Variants in PLGRKT observed in about 807,000 individuals in gnomAD.
PLGRKT encodes the protein plasminogen receptor (KT).
A neutral mutation model predicts 18.5 loss-of-function variants in PLGRKT; 22 were observed. The observed-to-expected ratio is 1.19, with a 90% CI of 0.85 to 1.70. The LOEUF (loss-of-function observed/expected upper bound fraction) is 1.70. Ranked by LOEUF, PLGRKT falls within the 40% of genes most tolerant of loss-of-function variation. The probability of loss-of-function intolerance (pLI) is 0.00; values close to 1 mark genes in which losing one functional copy is unlikely to be tolerated. For missense variants in PLGRKT, 235 were observed against 174.4 expected (o/e 1.35, Z -1.96); for synonymous variants, 72 against 52.8 (o/e 1.36, Z -1.58).
At chr9:5,359,242 G>C (rs1195157140) in intron 5 of PLGRKT, among the ~76,000 whole-genome samples, 1 of 151,902 alleles carries the variant, frequency 6.6e-6, no homozygotes, top group Non-Finnish European at 1.5e-5. Flanking sequence ...ATTTTTCATA[G>C]AGACAGGATT....
chr9:5,423,264 G>A (rs1456632583), intron 3 of PLGRKT, among the ~76,000 whole-genome samples: 3 of 152,142 alleles, frequency 2.0e-5, no homozygotes, highest in Non-Finnish European at 4.4e-5. Flanking sequence ...AGTATCTCTA[G>A]CTCCTAATTC....
At position 5,394,351 on chromosome 9, in the gene PLGRKT, C is replaced by T. The variant is rs1404629947; in HGVS notation, c.82-32463G>A. On this transcript the variant is annotated intron_variant, in intron 3 of 5. Transcript: ENST00000223864. The stretch of plus-strand genomic sequence containing the variant: ...GGCTCAGGTGCAGGGAAATGAAGAA[C>T]GAGGGAGAAAACATGAACTGAATGG... Among the ~76,000 whole-genome samples the T allele has an allele frequency of 5.9e-5, 9 of 151,672 alleles. No individual in the cohort carries two copies. In the South Asian group the frequency reaches 1.5e-3, roughly 25 times the overall value.
chr9:5,367,020 TACACACACATACACACACACACACAC>T (rs1817404599), intron 3 of PLGRKT, among the ~76,000 whole-genome samples: 1 of 58,158 alleles, frequency 1.7e-5, no homozygotes, highest in Admixed American at 2.1e-4. Flanking sequence ...GACAGACAGA[TACACACACATACACACACACACACAC>T]ACACACACAC....
intron 3 of PLGRKT, among the ~76,000 whole-genome samples, chr9:5,364,934 A>G (rs1233842546): frequency 6.6e-6 from 1 of 152,214 alleles, no homozygotes; most frequent in Non-Finnish European, 1.5e-5. Flanking sequence ...ATACAGACAT[A>G]GACAAGGATG....
At chr9:5,365,581 G>C (rs1817367987) in intron 3 of PLGRKT, among the ~76,000 whole-genome samples, 1 of 152,164 alleles carries the variant, frequency 6.6e-6, no homozygotes, top group Non-Finnish European at 1.5e-5. Flanking sequence ...AAGCTAAAGA[G>C]ACAAGAAGAC....
intron 3 of PLGRKT, among the ~76,000 whole-genome samples, chr9:5,413,563 G>C (rs896979698): frequency 1.3e-5 from 2 of 152,164 alleles, no homozygotes; most frequent in Admixed American, 1.3e-4. Context: ...TAAATGTGGA[G>C]GAAGGGCCCA....
intron 3 of PLGRKT, among the ~76,000 whole-genome samples, chr9:5,419,536 A>G (rs923587962): frequency 1.3e-5 from 2 of 151,498 alleles, no homozygotes; most frequent in African/African-American, 2.4e-5. Flanking sequence ...GCGAGCCACA[A>G]AAAAAGACAC....
intron 3 of PLGRKT, among the ~76,000 whole-genome samples, chr9:5,383,333 T>G (rs1035937979): frequency 1.3e-5 from 2 of 152,196 alleles, no homozygotes; most frequent in African/African-American, 4.8e-5. Flanking sequence ...GCACACTTGT[T>G]GAGGCAGCTC....
Position 5,364,216 on chromosome 9 carries a change from C to T in PLGRKT, c.82-2328G>A, listed in dbSNP as rs557392687. ...GGATCTGGAGGTAAAATCAGGCATC[C>T]ATAATTTCTAAAGGCTTCCAGATAG... On this transcript the variant is annotated intron_variant, in intron 3 of 5. Coordinates refer to ENST00000223864, the MANE Select transcript of PLGRKT (RefSeq NM_018465.4). 6.6e-5 allele frequency among the ~76,000 whole-genome samples: 10 copies of T among 152,290 alleles called. 1 individual carries two copies. The South Asian group carries it at 2.1e-3, about 32-fold the overall frequency.
chr9:5,428,646 G>C (rs145255914), intron 3 of PLGRKT, among the ~76,000 whole-genome samples: 1 of 152,058 alleles, frequency 6.6e-6, no homozygotes, highest in Non-Finnish European at 1.5e-5. Flanking sequence ...AAACTATTAC[G>C]ACCACCCTTG....
Position 5,388,447 on chromosome 9 carries a change from C to T in PLGRKT, c.82-26559G>A, listed in dbSNP as rs74462842. Among the ~76,000 whole-genome samples, 129 of 152,114 alleles carry T rather than the reference C, an allele frequency of 8.5e-4. 3 individuals carry two copies. The highest frequency in any genetic ancestry group is 2.8e-3 in the African/African-American group (115 of 41,374). On this transcript the variant is annotated intron_variant, in intron 3 of 5. Transcript: ENST00000223864. The stretch of plus-strand genomic sequence containing the variant: ...CTCAATAAATATCATAGGATATATG[C>T]AGATGATACATAAAAATCTATATAA...
chr9:5,363,698 G>T (rs1586698514), intron 3 of PLGRKT, among the ~76,000 whole-genome samples: 1 of 152,148 alleles, frequency 6.6e-6, no homozygotes, highest in African/African-American at 2.4e-5. Flanking sequence ...CTTCCCTGAT[G>T]CTGGTGCCAC....
intron 3 of PLGRKT, among the ~76,000 whole-genome samples, chr9:5,380,168 T>A (rs1013567972): frequency 2.0e-5 from 3 of 151,960 alleles, no homozygotes; most frequent in African/African-American, 4.8e-5. Context: ...ATTGAGATCA[T>A]CCTGGCTAAC....
chr9:5,379,500 ATG>A (rs571436859), intron 3 of PLGRKT, among the ~76,000 whole-genome samples: 28 of 151,034 alleles, frequency 1.9e-4, no homozygotes, highest in Admixed American at 7.9e-4. Context: ...GTGAGTGGAT[ATG>A]TGTGTGTGTG....
chr9:5,394,190 T>C (rs948675711), intron 3 of PLGRKT, among the ~76,000 whole-genome samples: 4 of 151,846 alleles, frequency 2.6e-5, no homozygotes, highest in Admixed American at 6.5e-5. Flanking sequence ...GTGACTAAGA[T>C]TTATTTAATT....
intron 3 of PLGRKT, chr9:5,381,938 G>C: frequency 1.0e-6 from 1 of 984,978 alleles, no homozygotes; most frequent in Non-Finnish European, 1.2e-6. Context: ...CTCCGAGACA[G>C]GGCCTCCATG....
chr9:5,404,234 C>G (rs1263552507), intron 3 of PLGRKT, among the ~76,000 whole-genome samples: 5 of 152,224 alleles, frequency 3.3e-5, no homozygotes, highest in South Asian at 2.1e-4. Flanking sequence ...GAAATGATTC[C>G]AAACAATTGA....
rs926788003 is a variant in PLGRKT at position 5,423,865 on chromosome 9, G to C, written c.81+8032C>G. Among the ~76,000 whole-genome samples, 35 of 78,558 alleles carry C rather than the reference G, an allele frequency of 4.5e-4. 1 individual carries two copies. Among genetic ancestry groups the C allele is most frequent in the African/African-American group, 2.4e-3 (35 of 14,430 alleles). The allele number at this position is 78,558 out of a possible 152,430, so 51.5% of individuals were successfully genotyped here. On this transcript the variant is annotated intron_variant, in intron 3 of 5. Coordinates refer to ENST00000223864, the MANE Select transcript of PLGRKT (RefSeq NM_018465.4). ...CTATAGGCACACATCACATTGCCCA[G>C]CTAATATATATGTAATATAGTCTAT...
chr9:5,423,218 G>C (rs1013773865), intron 3 of PLGRKT, among the ~76,000 whole-genome samples: 5 of 152,154 alleles, frequency 3.3e-5, no homozygotes, highest in African/African-American at 1.2e-4. Flanking sequence ...TCAAGAGCCT[G>C]AGTTCCTTGA....
Sources: allele counts gnomAD v4.1 joint callset (sites outside exome capture counted in the v4.1 genomes callset), GRCh38; gene constraint gnomAD v4.1.1; transcripts MANE v1.5; gene names NCBI Gene and HGNC (gene_info 2026-07-23, HGNC 2026-07-21).